PDE1A: variants seen among roughly 807,000 people sequenced by gnomAD.
PDE1A encodes phosphodiesterase 1A.
PDE1A carries 35 observed loss-of-function variants against 61.7 expected under a neutral mutation model. The ratio of observed to expected loss-of-function variants is 0.57; its 90% CI spans 0.43 to 0.75. The LOEUF is 0.75. Ranked by LOEUF, PDE1A falls within the 30% of genes least tolerant of loss-of-function variation. The pLI, the probability that PDE1A is intolerant of heterozygous loss-of-function variation, is 0.00. For missense variants in PDE1A, 597 were observed against 630.6 expected (o/e 0.95, Z 0.57); for synonymous variants, 232 against 213.2 (o/e 1.09, Z -0.77).
the PDE1A span, among the ~76,000 whole-genome samples, chr2:182,616,178 C>T: frequency 2.0e-5 from 3 of 152,186 alleles, no homozygotes; most frequent in Admixed American, 1.3e-4. Flanking sequence ...AATAAGGCTT[C>T]AATCACCTAC....
At chr2:182,377,937 G>A (rs193102749) in intron 1 of PDE1A, among the ~76,000 whole-genome samples, 5 of 151,388 alleles carry the variant, frequency 3.3e-5, no homozygotes, top group South Asian at 2.1e-4. Flanking sequence ...GCTCCTCCCC[G>A]CAGGGTTCAT....
intron 1 of PDE1A, among the ~76,000 whole-genome samples, chr2:182,381,963 A>T (rs1700764049): frequency 6.6e-6 from 1 of 152,008 alleles, no homozygotes; most frequent in Admixed American, 6.6e-5. Flanking sequence ...TAATCCCTAA[A>T]TTATTATACA....
intron 2 of PDE1A, among the ~76,000 whole-genome samples, chr2:182,467,938 A>C (rs900127246): frequency 6.6e-6 from 1 of 152,040 alleles, no homozygotes; most frequent in South Asian, 2.1e-4. Flanking sequence ...GTAATTTATT[A>C]AGTGTGAAAT....
At chr2:182,322,130 C>T (rs1022777594) in intron 1 of PDE1A, among the ~76,000 whole-genome samples, 1 of 152,106 alleles carries the variant, frequency 6.6e-6, no homozygotes, top group Admixed American at 6.6e-5. Flanking sequence ...TCTTTCTAAA[C>T]CTCTGTCTTC....
rs73047939 is a variant in PDE1A, at chr2:182,250,095, G to A, written c.168-9803C>T. On this transcript the variant is annotated intron_variant, in intron 2 of 13. Coordinates refer to ENST00000351439, the Ensembl canonical transcript of PDE1A. ...TGATAAGTTATCCTCCACTTTAAACGCATTTTTTTCATACTGAGTACCCAG... is the reference window on the plus strand; with the variant it reads ...TGATAAGTTATCCTCCACTTTAAACACATTTTTTTCATACTGAGTACCCAG... 3.1e-3 allele frequency among the ~76,000 whole-genome samples: 479 copies of A among 152,196 alleles called. 5 individuals carry two copies. Among genetic ancestry groups the A allele is most frequent in the African/African-American group, 0.011 (465 of 41,538 alleles).
chr2:182,330,205 A>G (rs1034701479), intron 1 of PDE1A, among the ~76,000 whole-genome samples: 27 of 152,168 alleles, frequency 1.8e-4, no homozygotes, highest in African/African-American at 6.3e-4. Context: ...TTAGCTGGGC[A>G]TGGTGGCGCG....
chr2:182,305,108 A>AGTGT (rs1319631181), intron 1 of PDE1A, among the ~76,000 whole-genome samples: 1 of 152,136 alleles, frequency 6.6e-6, no homozygotes, highest in Non-Finnish European at 1.5e-5. Flanking sequence ...CACTTGCCTA[A>AGTGT]TAACACATTA....
intron 1 of PDE1A, among the ~76,000 whole-genome samples, chr2:182,383,607 A>G (rs1700860207): frequency 1.3e-5 from 2 of 152,234 alleles, no homozygotes; most frequent in South Asian, 4.1e-4. Flanking sequence ...GCAGAGCAAG[A>G]TGGCAGAGTA....
At chr2:182,346,840 CAG>C (rs1698549128) in intron 1 of PDE1A, among the ~76,000 whole-genome samples, 1 of 152,060 alleles carries the variant, frequency 6.6e-6, no homozygotes, top group African/African-American at 2.4e-5. Context: ...GAATAAATAA[CAG>C]AGCCAGGATT....
chr2:182,253,326 T>C lies in PDE1A; in HGVS notation c.167+10975A>G, dbSNP rs530780397. ...TTCCTTAAAAACAGTTAAAAGTAAG[T>C]TGACTCCAGTAAGGGATTTTTTAAA... On this transcript the variant is annotated intron_variant, in intron 2 of 13. Transcript: ENST00000351439. 2.1e-4 allele frequency among the ~76,000 whole-genome samples: 32 copies of C among 152,286 alleles called. 1 individual carries two copies. The highest frequency in any genetic ancestry group is 7.5e-4 in the African/African-American group (31 of 41,562).
chr2:182,663,082 G>C, the PDE1A span, among the ~76,000 whole-genome samples: 15 of 152,202 alleles, frequency 9.9e-5, no homozygotes, highest in Non-Finnish European at 1.9e-4. Flanking sequence ...ATGAAAAAAA[G>C]GTCAACATTA....
At chr2:182,368,841 A>C (rs1699978105) in intron 1 of PDE1A, among the ~76,000 whole-genome samples, 1 of 152,334 alleles carries the variant, frequency 6.6e-6, no homozygotes, top group South Asian at 2.1e-4. Flanking sequence ...ACAAGTAAAA[A>C]TATAAAATCC....
the PDE1A span, among the ~76,000 whole-genome samples, chr2:182,669,262 T>C: frequency 2.0e-5 from 3 of 152,208 alleles, no homozygotes; most frequent in African/African-American, 7.2e-5. Context: ...CTACTTGTTT[T>C]GGCCCATTTT....
chr2:182,461,097 C>T (rs921166103), intron 2 of PDE1A, among the ~76,000 whole-genome samples: 1 of 152,114 alleles, frequency 6.6e-6, no homozygotes, highest in Admixed American at 6.5e-5. Context: ...ATTTCACAGA[C>T]TTATTTGGCC....
chr2:182,401,292 A>C (rs547937597), intron 1 of PDE1A, among the ~76,000 whole-genome samples: 1 of 152,344 alleles, frequency 6.6e-6, no homozygotes, highest in African/African-American at 2.4e-5. Flanking sequence ...TGGCAAACCG[A>C]ATCCAGCAGA....
intron 1 of PDE1A, among the ~76,000 whole-genome samples, chr2:182,343,414 T>C (rs561585686): frequency 6.6e-6 from 1 of 152,234 alleles, no homozygotes; most frequent in Non-Finnish European, 1.5e-5. Context: ...GAAATAATTC[T>C]GAAGGTTTTC....
the PDE1A span, among the ~76,000 whole-genome samples, chr2:182,554,641 A>C: frequency 2.0e-5 from 3 of 152,180 alleles, no homozygotes; most frequent in Non-Finnish European, 2.9e-5. Context: ...TGTAAAATGA[A>C]TGTAATATTA....
intron 1 of PDE1A, among the ~76,000 whole-genome samples, chr2:182,379,507 G>A (rs1457142552): frequency 6.6e-6 from 1 of 152,122 alleles, no homozygotes; most frequent in Non-Finnish European, 1.5e-5. Flanking sequence ...ATAGAAATAA[G>A]GGCTTGGACA....
chr2:182,263,227 C>A (rs1692356983), intron 2 of PDE1A, among the ~76,000 whole-genome samples: 1 of 152,158 alleles, frequency 6.6e-6, no homozygotes, highest in Non-Finnish European at 1.5e-5. Context: ...ACCAAAGGGT[C>A]TGGCTAGACT....
Sources: gnomAD v4.1 joint callset for allele counts (sites outside exome capture counted in the v4.1 genomes callset) on GRCh38, gnomAD v4.1.1 for gene constraint, MANE v1.5 for transcripts, NCBI Gene and HGNC (gene_info 2026-07-23, HGNC 2026-07-21) for gene names.